MGST1: variants seen among roughly 807,000 people sequenced by gnomAD.
MGST1 encodes the protein glutathione S-transferase 12.
In MGST1, 5 loss-of-function variants were observed where a neutral mutation model predicts 8.9. That is an observed-to-expected ratio of 0.56 (90% confidence interval 0.29 to 1.19). The LOEUF (loss-of-function observed/expected upper bound fraction) is 1.19. Among genes scored for constraint, MGST1 ranks in the 50% most tolerant of loss-of-function variants. MGST1 has a pLI of 0.08. For synonymous variants in MGST1, 54 were observed against 67.8 expected (o/e 0.80, Z 1.00); for missense variants, 182 against 187.4 (o/e 0.97, Z 0.17).
chr12:16,470,475 T>A (rs1941284018), intron 4 of MGST1, among the ~76,000 whole-genome samples: 1 of 152,168 alleles, frequency 6.6e-6, no homozygotes, highest in South Asian at 2.1e-4. Flanking sequence ...AGTTGATCAG[T>A]TTGGTCTGGA....
At chr12:16,383,887 A>G (rs1940480049) in intron 1 of MGST1, among the ~76,000 whole-genome samples, 1 of 152,210 alleles carries the variant, frequency 6.6e-6, no homozygotes, top group Non-Finnish European at 1.5e-5. Context: ...ATGATTACAA[A>G]TGGCATAATC....
At chr12:16,369,063 C>G (rs983586228), downstream of MGST1, among the ~76,000 whole-genome samples, 1 of 151,986 alleles carries the variant, frequency 6.6e-6, no homozygotes, top group African/African-American at 2.4e-5. This position sits in a 1 kb window ranked among gnomAD's most constrained non-coding sequence, Gnocchi z 4.8. Context: ...GTATCTATAC[C>G]TATATCTTTA....
intron 4 of MGST1, among the ~76,000 whole-genome samples, chr12:16,516,631 C>A (rs969158964): frequency 6.6e-6 from 1 of 152,100 alleles, no homozygotes; most frequent in Admixed American, 6.5e-5. Context: ...ATCTTGAGGT[C>A]AGAATATATC....
intron 3 of MGST1, among the ~76,000 whole-genome samples, chr12:16,374,193 A>G (rs373192200): frequency 1.3e-5 from 2 of 152,174 alleles, no homozygotes; most frequent in African/African-American, 4.8e-5. Context: ...GGAGCAGAAT[A>G]TGCTATGGCC....
At chr12:16,535,296 C>G in intron 4 of MGST1, among the ~76,000 whole-genome samples, 1 of 152,118 alleles carries the variant, frequency 6.6e-6, no homozygotes, top group Non-Finnish European at 1.5e-5. Context: ...AAGTGGCCTC[C>G]GCGAGAGTTA....
chr12:16,373,642 A>G (rs1940334558), intron 3 of MGST1, among the ~76,000 whole-genome samples: 1 of 152,114 alleles, frequency 6.6e-6, no homozygotes, highest in South Asian at 2.1e-4. Context: ...ATACAATTGA[A>G]TAAAAAGCAT....
In MGST1 at chr12:16,544,106, AG is replaced by A. The variant is rs1941808017; in HGVS notation, n.483-45421del. On this transcript the variant is annotated intron_variant and non_coding_transcript_variant, in intron 4 of 4. Coordinates refer to the MGST1 transcript ENST00000538857. This position sits in a 1 kb window ranked among gnomAD's most constrained non-coding sequence, Gnocchi z 4.8. Reference sequence around the variant, plus strand: ...AGTATTCCTTTCTGGAACAGTTCACAGCATCTTACTGTGCTGCACTGCGTTT... The same window carrying A: ...AGTATTCCTTTCTGGAACAGTTCACACATCTTACTGTGCTGCACTGCGTTT... 6.6e-6 allele frequency among the ~76,000 whole-genome samples: 1 copy of A among 152,032 alleles called. No individual in the cohort carries two copies. Among genetic ancestry groups the A allele is most frequent in the South Asian group, 2.1e-4 (1 of 4,818 alleles).
At chr12:16,562,503 A>G (rs141344958) in intron 4 of MGST1, among the ~76,000 whole-genome samples, 1 of 152,326 alleles carries the variant, frequency 6.6e-6, no homozygotes, top group East Asian at 1.9e-4. Context: ...TCGCTAGCTG[A>G]GCATTTATCA....
intron 4 of MGST1, among the ~76,000 whole-genome samples, chr12:16,557,102 A>G (rs1040970833): frequency 2.0e-5 from 3 of 152,184 alleles, no homozygotes; most frequent in African/African-American, 7.2e-5. Context: ...AATAAAATAG[A>G]TATATGATTT....
chr12:16,396,118 A>AT (rs900397361), intron 1 of MGST1, among the ~76,000 whole-genome samples: 10 of 151,778 alleles, frequency 6.6e-5, no homozygotes, highest in South Asian at 2.1e-4. Context: ...AACATCTATT[A>AT]TTTTTTTTAT....
chr12:16,460,883 C>T (rs971972306), intron 4 of MGST1, among the ~76,000 whole-genome samples: 47 of 151,962 alleles, frequency 3.1e-4, no homozygotes, highest in African/African-American at 1.1e-3. Context: ...TTATAGCAGG[C>T]TGTTAAAGGA....
At chr12:16,488,388 G>T (rs1165832555) in intron 4 of MGST1, among the ~76,000 whole-genome samples, 1 of 152,116 alleles carries the variant, frequency 6.6e-6, no homozygotes, top group Non-Finnish European at 1.5e-5. Flanking sequence ...TAGATACAGT[G>T]ATCTTCAATT....
At chr12:16,508,251 T>C (rs1055639523) in intron 4 of MGST1, among the ~76,000 whole-genome samples, 1 of 152,158 alleles carries the variant, frequency 6.6e-6, no homozygotes, top group Non-Finnish European at 1.5e-5. Flanking sequence ...TAGGTGTAAC[T>C]TCACCTTCTT....
chr12:16,497,927 T>G lies in MGST1; in HGVS notation n.483-91601T>G, dbSNP rs985368162. On this transcript the variant is annotated intron_variant and non_coding_transcript_variant, in intron 4 of 4. Transcript: ENST00000538857. This position sits in a 1 kb window ranked among gnomAD's most constrained non-coding sequence, Gnocchi z 4.4. The stretch of plus-strand genomic sequence containing the variant: ...CTAGTCTAGATGATAGTCTTTGTAA[T>G]CACATTTTATGGAATATCTCCAAGG... Among the ~76,000 whole-genome samples the G allele has an allele frequency of 6.6e-6, 1 of 152,194 alleles. No homozygotes were observed. The highest frequency in any genetic ancestry group is 1.5e-5 in the Non-Finnish European group (1 of 68,032).
intron 4 of MGST1, among the ~76,000 whole-genome samples, chr12:16,486,910 T>C (rs1227368381): frequency 2.0e-5 from 3 of 152,182 alleles, no homozygotes; most frequent in Non-Finnish European, 4.4e-5. Flanking sequence ...AGGACTCGCA[T>C]TACAGTTCTT....
chr12:16,506,377 G>A (rs1434462329), intron 4 of MGST1, among the ~76,000 whole-genome samples: 3 of 152,206 alleles, frequency 2.0e-5, no homozygotes, highest in African/African-American at 4.8e-5. Context: ...CTGGAAGGAG[G>A]CACTATTTTC....
At chr12:16,572,339 C>CTTTTTTT (rs59773866) in intron 4 of MGST1, among the ~76,000 whole-genome samples, 49 of 89,528 alleles carry the variant, frequency 5.5e-4, no homozygotes, top group Non-Finnish European at 7.3e-4. Flanking sequence ...GGTCCAAACT[C>CTTTTTTT]TTTTTTTTTT....
rs931525766 is a variant in MGST1 at position 16,586,090 on chromosome 12, T to C, written n.483-3438T>C. On this transcript the variant is annotated intron_variant and non_coding_transcript_variant, in intron 4 of 4. Transcript: ENST00000538857. The surrounding 1 kb of genome is among the most constrained non-coding windows in gnomAD (Gnocchi z 4.3). ...TTGATGTACAATTCCATAAAAATTT[T>C]TGAGGGGCCAAAACAATAGGGGTCA... is the stretch of plus-strand genomic sequence containing the variant. Among the ~76,000 whole-genome samples, 9 of 152,098 alleles carry C rather than the reference T, an allele frequency of 5.9e-5. No homozygotes were observed. The highest frequency in any genetic ancestry group is 1.2e-4 in the Non-Finnish European group (8 of 68,022).
At chr12:16,568,308 T>C (rs1243101399) in intron 4 of MGST1, among the ~76,000 whole-genome samples, 1 of 152,184 alleles carries the variant, frequency 6.6e-6, no homozygotes, top group East Asian at 1.9e-4. Context: ...TGATTCAAAA[T>C]AGATTGTTTT....
Sources: gnomAD v4.1 joint callset for allele counts (sites outside exome capture counted in the v4.1 genomes callset) on GRCh38, gnomAD v4.1.1 for gene constraint, Gnocchi (gnomAD v3.1) non-coding constraint, MANE v1.5 for transcripts, NCBI Gene and HGNC (gene_info 2026-07-23, HGNC 2026-07-21) for gene names.